The following ELK4 variants were observed in gnomAD, a reference collection of about 807,000 sequenced individuals.
ELK4 encodes ETS transcription factor ELK4, also known as ETS domain-containing protein Elk-4.
Under a neutral mutation model 29.6 loss-of-function variants are expected in ELK4, and 16 were observed. The observed-to-expected ratio is 0.54, with a 90% CI of 0.37 to 0.82. The LOEUF (loss-of-function observed/expected upper bound fraction) is 0.82, where lower values mean the gene tolerates loss of function less well. ELK4 is among the 40% of genes least tolerant of loss of function. The pLI is 0.00. For missense variants in ELK4, 465 were observed against 507.1 expected (o/e 0.92, Z 0.80); for synonymous variants, 213 against 191.1 (o/e 1.11, Z -0.95).
In ELK4 at chr1:205,608,384, TAGAATTCAAGAC is replaced by T. The variant is rs1670104269; in HGVS notation, c.*8150_*8161del. 5.0e-6 allele frequency: 1 copy of T among 198,444 alleles called. No individual in the cohort carries two copies. Among genetic ancestry groups the T allele is most frequent in the Admixed American group, 6.0e-5 (1 of 16,532 alleles). The allele number at this position is 198,444 out of a possible 1,614,324, so 12.3% of individuals were successfully genotyped here. A position where few individuals can be genotyped will look rare whatever the true frequency, so the allele number is the denominator to read the frequency against. ...ATAAAGTTTCTCTGCCGTATACAGA[TAGAATTCAAGAC>T]TCTAGCTACAATCATCCTAATCAAT... is the stretch of plus-strand genomic sequence containing the variant. On this transcript the variant is annotated 3_prime_UTR_variant, in exon 5 of 5. Transcript: ENST00000357992.
Position 205,618,901 on chromosome 1 carries a change from CCT to C in ELK4, c.1197+54_1197+55del, listed in dbSNP as rs1670279059. The C allele has an allele frequency of 3.7e-6, 5 of 1,341,184 alleles. No individual in the cohort carries two copies. The Admixed American group carries it at 8.1e-5, about 22-fold the overall frequency. 83.1% of individuals were successfully genotyped at this position (1,341,184 alleles called of 1,614,324 possible). A position where few individuals can be genotyped will look rare whatever the true frequency, so the allele number is the denominator to read the frequency against. ...TGAATAGTGGGACCCTGCCTTTTTG[CCT>C]CTTTCTTCATTTAACATGCTCCAAC... On this transcript the variant is annotated intron_variant, in intron 4 of 4. Transcript: ENST00000357992.
At position 205,616,306 on chromosome 1, in the gene ELK4, AGAAAAG is replaced by A. The variant is rs1323391164; in HGVS notation, c.*234_*239del. ...AAGAAAAGGAAGGAAGGAAAGAAAA[AGAAAAG>A]GAAAAGACAGAGGGAGGTGGAGTTT... On this transcript the variant is annotated 3_prime_UTR_variant, in exon 5 of 5. Transcript: ENST00000357992. The A allele has an allele frequency of 2.6e-6, 1 of 387,984 alleles. No individual in the cohort carries two copies. The highest frequency in any genetic ancestry group is 3.8e-5 in the Admixed American group (1 of 26,002). The allele number at this position is 387,984 out of a possible 1,614,324, so 24.0% of individuals were successfully genotyped here.
chr1:205,619,911 T>C (rs1428677065), intron 3 of ELK4, 55 bp downstream of exon 3: 1 of 1,614,168 alleles, frequency 6.2e-7, no homozygotes, highest in Admixed American at 1.7e-5. Flanking sequence ...TGGATTTGCT[T>C]AAAAGGGCAA....
rs1558019782 is a variant in ELK4 at position 205,616,514 on chromosome 1, TC to T, written c.*31del. On this transcript the variant is annotated 3_prime_UTR_variant, in exon 5 of 5. Coordinates refer to ENST00000357992, the MANE Select transcript of ELK4 (RefSeq NM_001973.4). ...TCATGTTGAATGTCTGTTTCTTCGT[TC>T]CTCGGTTCTCTCATTCCACAAGTGC... The T allele has an allele frequency of 6.3e-7, 1 of 1,577,962 alleles. No individual in the cohort carries two copies. Among genetic ancestry groups the T allele is most frequent in the Non-Finnish European group, 8.7e-7 (1 of 1,147,712 alleles).
chr1:205,627,958 A>G (rs566575799), intron 1 of ELK4, among the ~76,000 whole-genome samples: 5 of 152,376 alleles, frequency 3.3e-5, no homozygotes, highest in South Asian at 2.1e-4. Flanking sequence ...AGCTGAGGCC[A>G]TGAGTCCCAA....
rs935541836 is a variant in ELK4 at position 205,620,365 on chromosome 1, T to A, written c.681A>T (p.Thr227=). The A allele has an allele frequency of 6.2e-7, 1 of 1,614,186 alleles. No homozygotes were observed. The highest frequency in any genetic ancestry group is 8.5e-7 in the Non-Finnish European group (1 of 1,180,028). Reference sequence around the variant, plus strand: ...GGGAAGGCAGTTTTGGGGAAACCAATGTCTCCAAAGCTTGGATAGTTTCTT... The same window carrying A: ...GGGAAGGCAGTTTTGGGGAAACCAAAGTCTCCAAAGCTTGGATAGTTTCTT... The part of the protein sequence containing the change: ...SSEETIQALE[T]LVSPKLPSLE... The change falls in exon 3 of 5, where the codon ACA becomes ACT. Residue 227 remains threonine (T), a synonymous_variant. Transcript: ENST00000357992.
chr1:205,630,254 A>T (rs1670554267), intron 1 of ELK4, among the ~76,000 whole-genome samples: 1 of 152,224 alleles, frequency 6.6e-6, no homozygotes, highest in East Asian at 1.9e-4. Context: ...AAAGGCTGAA[A>T]ACATAATTGA....
Position 205,619,952 on chromosome 1 carries a change from A to G in ELK4, c.1080+14T>C. The G allele has an allele frequency of 6.2e-7, 1 of 1,614,224 alleles. No individual in the cohort carries two copies. Among genetic ancestry groups the G allele is most frequent in the Non-Finnish European group, 8.5e-7 (1 of 1,180,040 alleles). ...TGAAAGCAATGGTGACACCATAAAG[A>G]GCGAGCAAGCTACCTGTGAAAAAAA... On this transcript the variant is annotated intron_variant, in intron 3 of 4. Coordinates refer to ENST00000357992, the MANE Select transcript of ELK4 (RefSeq NM_001973.4).
Position 205,610,511 on chromosome 1 carries a change from T to A in ELK4, c.*6035A>T. ...AAAAGCAAACATAAATGTAGAAATT[T>A]TAAGAAAGGACATCCTTATTTGCTC... On this transcript the variant is annotated 3_prime_UTR_variant, in exon 5 of 5. Transcript: ENST00000357992. 1 of 229,348 alleles carries A rather than the reference T, an allele frequency of 4.4e-6. No individual in the cohort carries two copies. Among genetic ancestry groups the A allele is most frequent in the Non-Finnish European group, 8.6e-6 (1 of 115,712 alleles). 14.2% of individuals were successfully genotyped at this position (229,348 alleles called of 1,614,324 possible).
intron 2 of ELK4, among the ~76,000 whole-genome samples, chr1:205,623,104 G>C (rs1456041890): frequency 6.8e-6 from 1 of 146,408 alleles, no homozygotes; most frequent in Non-Finnish European, 1.5e-5. Context: ...GTTGCAGTAA[G>C]CCAAGATCGC....
intron 1 of ELK4, chr1:205,625,486 A>G (rs767013904): frequency 4.3e-6 from 3 of 698,402 alleles, no homozygotes; most frequent in Non-Finnish European, 8.0e-6. Context: ...CAACAGGATG[A>G]AATTCGTGTA....
chr1:205,618,072 C>G (rs1670266960), intron 4 of ELK4, among the ~76,000 whole-genome samples: 1 of 151,896 alleles, frequency 6.6e-6, no homozygotes, highest in Non-Finnish European at 1.5e-5. Flanking sequence ...GTCACCCAGG[C>G]CGGAGTGCAG....
intron 2 of ELK4, among the ~76,000 whole-genome samples, chr1:205,621,878 A>C (rs1309030058): frequency 6.6e-6 from 1 of 151,558 alleles, no homozygotes; most frequent in East Asian, 1.9e-4. Context: ...CAGAAATTCC[A>C]GTTTATCTCC....
At position 205,616,392 on chromosome 1, in the gene ELK4, G is replaced by T; in HGVS notation, c.*154C>A. On this transcript the variant is annotated 3_prime_UTR_variant, in exon 5 of 5. Coordinates refer to ENST00000357992, the MANE Select transcript of ELK4 (RefSeq NM_001973.4). ...TAGTCCAACTTGAGTCCTATTCAAA[G>T]AGAATCCTAAAAAGATGTTTTCAAT... is the stretch of plus-strand genomic sequence containing the variant. 1 of 654,896 alleles carries T rather than the reference G, an allele frequency of 1.5e-6. No homozygotes were observed. The allele number at this position is 654,896 out of a possible 1,614,324, so 40.6% of individuals were successfully genotyped here.
chr1:205,616,477 C>T lies in ELK4; in HGVS notation c.*69G>A. 1.4e-6 allele frequency: 2 copies of T among 1,413,502 alleles called. No homozygotes were observed. The highest frequency in any genetic ancestry group is 2.0e-6 in the Non-Finnish European group (2 of 1,003,040). The allele number at this position is 1,413,502 out of a possible 1,614,324, so 87.6% of individuals were successfully genotyped here. On this transcript the variant is annotated 3_prime_UTR_variant, in exon 5 of 5. Coordinates refer to ENST00000357992, the MANE Select transcript of ELK4 (RefSeq NM_001973.4). ...GCATTGTAGAACTATCAATTGCTCA[C>T]TTCAAATGCAATCATGTTGAATGTC...
chr1:205,620,526 T>G lies in ELK4; in HGVS notation c.520A>C (p.Lys174Gln), dbSNP rs1379579383. The change falls in exon 3 of 5, where the codon AAA becomes CAA. Residue 174 changes from lysine to glutamine, a missense_variant. Lys to Gln is a moderately conservative substitution (Grantham distance 53, BLOSUM62 1). This residue lies in a region of ELK4 where 385 missense variants were observed against 387.5 expected (regional missense o/e 0.99). Transcript: ENST00000357992. Reference sequence around the variant, plus strand: ...TGAGGAGATTTTTTCTCTGCCAGTTTCTCGGCTGGATTCTCAGTCTTTATC... The same window carrying G: ...TGAGGAGATTTTTTCTCTGCCAGTTGCTCGGCTGGATTCTCAGTCTTTATC... ...KLIKTENPAE[K>Q]LAEKKSPQEP... is the part of the protein sequence containing the mutation. 1 of 1,614,098 alleles carries G rather than the reference T, an allele frequency of 6.2e-7. No homozygotes were observed.
In ELK4 at chr1:205,626,110, T is replaced by C; in HGVS notation, c.-9-2219A>G. On this transcript the variant is annotated intron_variant, in intron 1 of 4. Coordinates refer to ENST00000357992, the MANE Select transcript of ELK4 (RefSeq NM_001973.4). ...TACCAGGAACACCATGAAGACTTCTTTCTCTACGTTGCCTACAGTGACCAA... is the reference window on the plus strand; with the variant it reads ...TACCAGGAACACCATGAAGACTTCTCTCTCTACGTTGCCTACAGTGACCAA... The C allele has an allele frequency of 2.3e-5, 19 of 835,200 alleles. 1 individual carries two copies. The South Asian group carries it at 2.5e-4, about 11-fold the overall frequency. 51.7% of individuals were successfully genotyped at this position (835,200 alleles called of 1,614,324 possible). A position where few individuals can be genotyped will look rare whatever the true frequency, so the allele number is the denominator to read the frequency against.
chr1:205,628,188 A>G (rs1490825430), intron 1 of ELK4, among the ~76,000 whole-genome samples: 1 of 152,218 alleles, frequency 6.6e-6, no homozygotes, highest in Non-Finnish European at 1.5e-5. Flanking sequence ...GCGGTTTTAT[A>G]CTACGGCCAT....
In ELK4 at chr1:205,631,626, GCTCACCGACGCCGCGCGCGGGGCTCCCC is replaced by G; in HGVS notation, c.-32_-10+5del. 1 of 314,932 alleles carries G rather than the reference GCTCACCGACGCCGCGCGCGGGGCTCCCC, an allele frequency of 3.2e-6. No homozygotes were observed. Among genetic ancestry groups the G allele is most frequent in the Non-Finnish European group, 6.6e-6 (1 of 151,686 alleles). 19.5% of individuals were successfully genotyped at this position (314,932 alleles called of 1,614,324 possible). A position where few individuals can be genotyped will look rare whatever the true frequency, so the allele number is the denominator to read the frequency against. Reference sequence around the variant, plus strand: ...CCCGAGGGGGCGCGCGGGGCTGACCGCTCACCGACGCCGCGCGCGGGGCTCCCCCTCGGTCTCCGCCTCGAACACGATG... The same window carrying G: ...CCCGAGGGGGCGCGCGGGGCTGACCGCTCGGTCTCCGCCTCGAACACGATG... On this transcript the variant is annotated splice_donor_variant and splice_donor_5th_base_variant and 5_prime_UTR_variant and intron_variant, in exon 1 of 5. Transcript: ENST00000357992. LOFTEE classifies it low-confidence loss of function (5UTR_SPLICE).
Sources: gnomAD v4.1 joint callset for allele counts (sites outside exome capture counted in the v4.1 genomes callset) on GRCh38, gnomAD v4.1.1 for gene constraint, gnomAD v4.1.1 regional missense constraint, MANE v1.5 for transcripts, NCBI Gene and HGNC (gene_info 2026-07-23, HGNC 2026-07-21) for gene names.